MTMR14: variants seen among roughly 807,000 people sequenced by gnomAD.
The protein encoded by MTMR14 is myotubularin related protein 14.
A neutral mutation model predicts 86.3 loss-of-function variants in MTMR14; 48 were observed. The ratio of observed to expected loss-of-function variants is 0.56; its 90% CI spans 0.44 to 0.71. The LOEUF is 0.71. Among genes scored for constraint, MTMR14 ranks in the 30% least tolerant of loss-of-function variants. The probability of loss-of-function intolerance (pLI) is 0.00; values close to 1 mark genes in which losing one functional copy is unlikely to be tolerated. For missense variants in MTMR14, 780 were observed against 834.6 expected (o/e 0.93, Z 0.81); for synonymous variants, 366 against 326.1 (o/e 1.12, Z -1.32).
chr3:9,658,054 C>T (rs945274153), intron 2 of MTMR14, among the ~76,000 whole-genome samples: 1 of 152,150 alleles, frequency 6.6e-6, no homozygotes, highest in South Asian at 2.1e-4. Flanking sequence ...CATGATTAAC[C>T]TTAGAGGAGC....
intron 3 of MTMR14, 22 bp downstream of exon 3, chr3:9,662,397 C>T: frequency 1.3e-6 from 2 of 1,587,342 alleles, no homozygotes; most frequent in Non-Finnish European, 1.7e-6. Context: ...ACCATAGCTT[C>T]ATGCTCCACG....
rs530621274 is a variant in MTMR14, at chr3:9,689,315, G to T, written c.1433+233G>T. ...AAGGGCTAGGGCTCCCTGTGGGACA[G>T]AGAAGCAGCTGGGCAGGGTAGGGCA... On this transcript the variant is annotated intron_variant, in intron 16 of 18. Coordinates refer to ENST00000296003, the MANE Select transcript of MTMR14 (RefSeq NM_001077525.3). 3.9e-5 allele frequency among the ~76,000 whole-genome samples: 6 copies of T among 152,380 alleles called. No homozygotes were observed. In the South Asian group the frequency reaches 1.2e-3, roughly 32 times the overall value.
intron 17 of MTMR14, among the ~76,000 whole-genome samples, chr3:9,695,084 G>C (rs1486475844): frequency 6.6e-6 from 1 of 152,206 alleles, no homozygotes; most frequent in Non-Finnish European, 1.5e-5. Context: ...CCCTCTGTTT[G>C]CTGCTCAGGG....
intron 7 of MTMR14, among the ~76,000 whole-genome samples, chr3:9,674,804 C>G (rs1441201967): frequency 6.6e-6 from 1 of 151,984 alleles, no homozygotes; most frequent in African/African-American, 2.4e-5. Context: ...TTCCCCAAAG[C>G]TTTTTTTGTT....
chr3:9,663,435 C>G (rs189827813), intron 3 of MTMR14, among the ~76,000 whole-genome samples: 201 of 142,180 alleles, frequency 1.4e-3, no homozygotes, highest in African/African-American at 3.8e-3. Context: ...GCTGTTGCCA[C>G]TTTGGAAAGT....
At chr3:9,685,022 T>C in intron 12 of MTMR14, 58 bp downstream of exon 12, 1 of 1,556,456 alleles carries the variant, frequency 6.4e-7, no homozygotes, top group Non-Finnish European at 8.9e-7. Flanking sequence ...ATATGTGAGT[T>C]GTGTGGTGGC....
intron 16 of MTMR14, among the ~76,000 whole-genome samples, chr3:9,689,551 C>T (rs1292118760): frequency 6.6e-6 from 1 of 152,114 alleles, no homozygotes; most frequent in Non-Finnish European, 1.5e-5. Context: ...TAACAAAGTC[C>T]TGAGTGGTGG....
In MTMR14 at chr3:9,690,120, T is replaced by C; in HGVS notation, c.1590T>C (p.Ser530=). 1.2e-6 allele frequency: 2 copies of C among 1,613,744 alleles called. No homozygotes were observed. The highest frequency in any genetic ancestry group is 8.5e-7 in the Non-Finnish European group (1 of 1,180,004). The change falls in exon 17 of 19, where the codon AGT becomes AGC. Residue 530 remains serine, a synonymous_variant. Coordinates refer to ENST00000296003, the MANE Select transcript of MTMR14 (RefSeq NM_001077525.3). ...ATAACTTTTTCAGGATGGGTAGCAGTCCCCTGGAGGTCCCCAAACCCAGGT... is the reference window on the plus strand; with the variant it reads ...ATAACTTTTTCAGGATGGGTAGCAGCCCCCTGGAGGTCCCCAAACCCAGGT... The part of the protein sequence containing the change: ...HSDNFFRMGS[S]PLEVPKPRSV...
chr3:9,651,832 ATTTTT>A (rs745555864), intron 1 of MTMR14, among the ~76,000 whole-genome samples: 1 of 130,940 alleles, frequency 7.6e-6, no homozygotes. Context: ...TGCCTGGCTA[ATTTTT>A]TTTTTTTTTT....
Position 9,668,703 on chromosome 3 carries a change from GAT to G in MTMR14, c.418-15_418-14del. On this transcript the variant is annotated splice_polypyrimidine_tract_variant and intron_variant, in intron 3 of 18. Coordinates refer to ENST00000296003, the MANE Select transcript of MTMR14 (RefSeq NM_001077525.3). ...CAGAAAACCATCTGACCGTGAAAAT[GAT>G]GTTTCTCTCCCAGCACATTTGCAGG... 6.2e-7 allele frequency: 1 copy of G among 1,613,958 alleles called. No homozygotes were observed. Among genetic ancestry groups the G allele is most frequent in the Non-Finnish European group, 8.5e-7 (1 of 1,179,852 alleles).
chr3:9,685,845 T>C (rs2075928374), intron 13 of MTMR14, among the ~76,000 whole-genome samples: 1 of 152,178 alleles, frequency 6.6e-6, no homozygotes, highest in African/African-American at 2.4e-5. Context: ...GTGCCTGTTT[T>C]CCTTGCAATG....
Position 9,702,129 on chromosome 3 carries a change from CA to C in MTMR14, c.*159del, listed in dbSNP as rs1334243027. The C allele has an allele frequency of 6.1e-6, 6 of 976,956 alleles. No individual in the cohort carries two copies. In the African/African-American group the frequency reaches 8.0e-5, roughly 13 times the overall value. 60.5% of individuals were successfully genotyped at this position (976,956 alleles called of 1,614,324 possible). On this transcript the variant is annotated 3_prime_UTR_variant, in exon 19 of 19. Coordinates refer to ENST00000296003, the MANE Select transcript of MTMR14 (RefSeq NM_001077525.3). The stretch of plus-strand genomic sequence containing the variant: ...TGGCAGCCCCAAAGCTGAGCAAGGC[CA>C]AAGACAGGGTTTTCCAACCCCCAGC...
At chr3:9,688,814 G>C (rs2076045978) in intron 15 of MTMR14, 60 bp downstream of exon 15, 2 of 1,609,964 alleles carry the variant, frequency 1.2e-6, no homozygotes, top group African/African-American at 2.7e-5. Flanking sequence ...GTACAGATCA[G>C]GCAGGAACTG....
Position 9,677,291 on chromosome 3 carries a change from G to C in MTMR14, c.752-26G>C. The C allele has an allele frequency of 6.2e-7, 1 of 1,611,516 alleles. No individual in the cohort carries two copies. Among genetic ancestry groups the C allele is most frequent in the Non-Finnish European group, 8.5e-7 (1 of 1,177,670 alleles). Reference sequence around the variant, plus strand: ...AAGACTTTGGGCTGGGAAGGGAGATGTCATAACTCTGCCCTTCTTTTCCAG... The same window carrying C: ...AAGACTTTGGGCTGGGAAGGGAGATCTCATAACTCTGCCCTTCTTTTCCAG... On this transcript the variant is annotated intron_variant, in intron 7 of 18. Coordinates refer to ENST00000296003, the MANE Select transcript of MTMR14 (RefSeq NM_001077525.3). This position sits in a 1 kb window ranked among gnomAD's most constrained non-coding sequence, Gnocchi z 4.2.
intron 9 of MTMR14, among the ~76,000 whole-genome samples, chr3:9,682,700 GA>G (rs1275763278): frequency 6.6e-6 from 1 of 152,254 alleles, no homozygotes; most frequent in Non-Finnish European, 1.5e-5. Flanking sequence ...AAGCATGTTT[GA>G]AAAGGTTGAT....
chr3:9,654,010 C>T (rs1404363090), intron 2 of MTMR14: 3 of 543,880 alleles, frequency 5.5e-6, no homozygotes, highest in Admixed American at 3.0e-5. Flanking sequence ...GCTCATTGTC[C>T]TAAGATAGCT....
At chr3:9,679,962 G>A (rs989602838) in intron 9 of MTMR14, among the ~76,000 whole-genome samples, 1 of 152,082 alleles carries the variant, frequency 6.6e-6, no homozygotes, top group Admixed American at 6.5e-5. Context: ...CCTTGGCTGG[G>A]TGTGGGCTCT....
intron 1 of MTMR14, 83 bp downstream of exon 1, chr3:9,649,825 AAGGT>A (rs1322271431): frequency 1.3e-6 from 2 of 1,580,484 alleles, no homozygotes. Flanking sequence ...GGGTCAGAAA[AAGGT>A]AGGAGTGGTA....
At chr3:9,666,484 A>C (rs1233676947) in intron 3 of MTMR14, among the ~76,000 whole-genome samples, 1 of 152,214 alleles carries the variant, frequency 6.6e-6, no homozygotes, top group Non-Finnish European at 1.5e-5. Flanking sequence ...TGTAAAATAC[A>C]CATCAAATTT....
Sources: gnomAD v4.1 joint callset for allele counts (sites outside exome capture counted in the v4.1 genomes callset) on GRCh38, gnomAD v4.1.1 for gene constraint, Gnocchi (gnomAD v3.1) non-coding constraint, MANE v1.5 for transcripts, NCBI Gene and HGNC (gene_info 2026-07-23, HGNC 2026-07-21) for gene names.